Variants in YES1 observed in about 807,000 individuals in gnomAD.
YES1 encodes YES proto-oncogene 1, Src family tyrosine kinase, also known as tyrosine-protein kinase Yes.
A neutral mutation model predicts 70.4 loss-of-function variants in YES1; 39 were observed. The ratio of observed to expected loss-of-function variants is 0.55; its 90% CI spans 0.43 to 0.72. YES1 has a LOEUF of 0.72. Ranked by LOEUF, YES1 falls within the 30% of genes least tolerant of loss-of-function variation. YES1 has a pLI of 0.00. For missense variants in YES1, 495 were observed against 644.8 expected (o/e 0.77, Z 2.52); for synonymous variants, 198 against 218.6 (o/e 0.91, Z 0.83).
chr18:751,865 AG>A lies in YES1; in HGVS notation c.272-62del, dbSNP rs2080348479. 9.1e-6 allele frequency: 9 copies of A among 994,368 alleles called. No homozygotes were observed. The Admixed American group carries it at 9.2e-5, about 10-fold the overall frequency. The allele number at this position is 994,368 out of a possible 1,614,324, so 61.6% of individuals were successfully genotyped here. On this transcript the variant is annotated intron_variant, in intron 2 of 11. Transcript: ENST00000314574. Reference sequence around the variant, plus strand: ...AGCTAACTTAACAAAACAGAAAAAAAGAACTATTGCCAGCCAAAAAAAAAAA... The same window carrying A: ...AGCTAACTTAACAAAACAGAAAAAAAAACTATTGCCAGCCAAAAAAAAAAA...
chr18:764,925 C>T (rs139605707), intron 1 of YES1, among the ~76,000 whole-genome samples: 5 of 150,816 alleles, frequency 3.3e-5, no homozygotes, highest in Admixed American at 1.3e-4. Flanking sequence ...TAGTAGAGAC[C>T]GGGTTTCACT....
intron 11 of YES1, among the ~76,000 whole-genome samples, chr18:732,595 GA>G (rs2080105472): frequency 6.6e-6 from 1 of 152,104 alleles, no homozygotes; most frequent in Non-Finnish European, 1.5e-5. Flanking sequence ...AAGCTGAGGT[GA>G]ATGTGGGGCC....
intron 1 of YES1, among the ~76,000 whole-genome samples, chr18:757,253 C>G (rs1339510325): frequency 6.7e-6 from 1 of 150,092 alleles, no homozygotes; most frequent in Admixed American, 6.6e-5. Context: ...CCTGTAATCC[C>G]AGCACTTTGG....
intron 1 of YES1, among the ~76,000 whole-genome samples, chr18:786,052 G>A (rs982357856): frequency 6.6e-5 from 10 of 152,144 alleles, no homozygotes; most frequent in Admixed American, 3.9e-4. Context: ...TTTGGTATTG[G>A]ACCTCCCAGC....
chr18:768,860 G>A (rs1905027492), intron 1 of YES1, among the ~76,000 whole-genome samples: 1 of 151,798 alleles, frequency 6.6e-6, no homozygotes. Flanking sequence ...CTGCCACCAC[G>A]CCTGGCTAAT....
At chr18:725,816 G>A (rs1193968849) in intron 11 of YES1, among the ~76,000 whole-genome samples, 5 of 152,146 alleles carry the variant, frequency 3.3e-5, no homozygotes, top group South Asian at 2.1e-4. Context: ...AACGGGAGGC[G>A]GAGGTTGCAG....
rs569929152 is a variant in YES1, at chr18:737,785, T to C, written c.1138-824A>G. Among the ~76,000 whole-genome samples the C allele has an allele frequency of 1.1e-4, 17 of 152,300 alleles. No individual in the cohort carries two copies. The South Asian group carries it at 3.5e-3, about 32-fold the overall frequency. On this transcript the variant is annotated intron_variant, in intron 9 of 11. Coordinates refer to ENST00000314574, the MANE Select transcript of YES1 (RefSeq NM_005433.4). Reference sequence around the variant, plus strand: ...CGCAGGTTGGCGTGCAGTGGTGCAATCGTGGCTCACTGCAATCTCTATCTT... The same window carrying C: ...CGCAGGTTGGCGTGCAGTGGTGCAACCGTGGCTCACTGCAATCTCTATCTT...
intron 1 of YES1, chr18:788,079 C>A (rs1018723242): frequency 9.2e-5 from 14 of 152,202 alleles, no homozygotes; most frequent in African/African-American, 3.4e-4. Flanking sequence ...TGACTCTTCA[C>A]ATCCATTTAC....
intron 4 of YES1, among the ~76,000 whole-genome samples, chr18:746,678 G>A (rs887250776): frequency 6.6e-6 from 1 of 152,118 alleles, no homozygotes; most frequent in Non-Finnish European, 1.5e-5. Context: ...TCATATACAA[G>A]GTACGGTGTT....
chr18:745,802 T>C lies in YES1; in HGVS notation c.630A>G (p.Lys210=), dbSNP rs748715989. 35 of 1,612,994 alleles carry C rather than the reference T, an allele frequency of 2.2e-5. No individual in the cohort carries two copies. Among genetic ancestry groups the C allele is most frequent in the Non-Finnish European group, 2.6e-5 (31 of 1,179,834 alleles). The change falls in exon 6 of 12, where the codon AAA becomes AAG. Residue 210 remains lysine (K), a synonymous_variant. Coordinates refer to ENST00000314574, the MANE Select transcript of YES1 (RefSeq NM_005433.4). ...TGTCAAGTTTCCTAATTTTGTAGTGTTTCACATTGTCACCCCTTATCTCAT... is the reference window on the plus strand; with the variant it reads ...TGTCAAGTTTCCTAATTTTGTAGTGCTTCACATTGTCACCCCTTATCTCAT... The part of the protein sequence containing the change: ...DWDEIRGDNV[K]HYKIRKLDNG...
At chr18:795,017 A>G (rs1025973954) in intron 1 of YES1, among the ~76,000 whole-genome samples, 4 of 152,004 alleles carry the variant, frequency 2.6e-5, no homozygotes, top group Admixed American at 2.0e-4. Flanking sequence ...GGTTTCACCC[A>G]TTAGCCAGGA....
At chr18:753,365 TACAATAGATCTCTTGA>T (rs1395907145) in intron 2 of YES1, among the ~76,000 whole-genome samples, 2 of 152,352 alleles carry the variant, frequency 1.3e-5, no homozygotes, top group South Asian at 2.1e-4. Flanking sequence ...AACTGTGTTC[TACAATAGATCTCTTGA>T]ACTTACTCCT....
intron 3 of YES1, among the ~76,000 whole-genome samples, chr18:750,747 G>A (rs948750184): frequency 1.3e-5 from 2 of 152,188 alleles, no homozygotes; most frequent in African/African-American, 4.8e-5. Context: ...GAATGTTAAG[G>A]AAAGGCATCT....
intron 1 of YES1, among the ~76,000 whole-genome samples, chr18:774,253 G>A (rs949849171): frequency 2.6e-5 from 4 of 152,090 alleles, no homozygotes; most frequent in African/African-American, 4.8e-5. Context: ...GACTGTTGCC[G>A]AAAAGACTTC....
chr18:748,041 C>T, intron 3 of YES1, 23 bp from the exon 4 acceptor site: 1 of 1,605,554 alleles, frequency 6.2e-7, no homozygotes, highest in Non-Finnish European at 8.5e-7. Flanking sequence ...AAACAGCAAT[C>T]ACCGCAAGGT....
At chr18:801,680 A>G (rs1906828546) in intron 1 of YES1, among the ~76,000 whole-genome samples, 1 of 152,226 alleles carries the variant, frequency 6.6e-6, no homozygotes, top group Admixed American at 6.5e-5. Context: ...TTGAGTACAA[A>G]CTACATATAT....
chr18:767,102 G>T (rs1904946965), intron 1 of YES1, among the ~76,000 whole-genome samples: 1 of 151,384 alleles, frequency 6.6e-6, no homozygotes, highest in Non-Finnish European at 1.5e-5. Flanking sequence ...TGTAAGTCAG[G>T]CCTATCAAGC....
At chr18:802,173 G>A (rs374537561) in intron 1 of YES1, among the ~76,000 whole-genome samples, 2 of 152,170 alleles carry the variant, frequency 1.3e-5, no homozygotes, top group Non-Finnish European at 2.9e-5. Flanking sequence ...TACTTGTGCC[G>A]AGGAGTTCGA....
intron 1 of YES1, among the ~76,000 whole-genome samples, chr18:776,143 C>T (rs1036293243): frequency 6.6e-6 from 1 of 152,106 alleles, no homozygotes; most frequent in Admixed American, 6.5e-5. Context: ...ATACTCTCAC[C>T]AGCAAGCATG....
Sources: allele counts gnomAD v4.1 joint callset (sites outside exome capture counted in the v4.1 genomes callset), GRCh38; gene constraint gnomAD v4.1.1; transcripts MANE v1.5; gene names NCBI Gene and HGNC (gene_info 2026-07-23, HGNC 2026-07-21).